The following B4GALNT3 variants were observed in gnomAD, a reference collection of about 807,000 sequenced individuals.
The protein encoded by B4GALNT3 is beta-1,4-N-acetylgalactosaminyltransferase 3.
In B4GALNT3, 86 loss-of-function variants were observed where a neutral mutation model predicts 120.2. That is an observed-to-expected ratio of 0.72 (90% CI 0.60 to 0.86). B4GALNT3 has a LOEUF of 0.86. Among genes scored for constraint, B4GALNT3 ranks in the 40% least tolerant of loss-of-function variants. The pLI is 0.00. For synonymous variants in B4GALNT3, 518 were observed against 510.4 expected, an observed-to-expected ratio of 1.01 and a Z score of -0.20; for missense variants, 1,167 against 1,298.9, an observed-to-expected ratio of 0.90 and a Z score of 1.56.
intron 7 of B4GALNT3, 115 bp from the exon 8 acceptor site, chr12:547,909 T>C: frequency 1.1e-6 from 1 of 874,460 alleles, no homozygotes; most frequent in Non-Finnish European, 1.9e-6. Context: ...CCTGGCATTC[T>C]AAGAGCAAGG....
At chr12:537,325 C>T (rs2120668721) in intron 3 of B4GALNT3, among the ~76,000 whole-genome samples, 1 of 152,278 alleles carries the variant, frequency 6.6e-6, no homozygotes, top group South Asian at 2.1e-4. Context: ...TGCTTTGTTT[C>T]CCAGGCTGGA....
intron 1 of B4GALNT3, among the ~76,000 whole-genome samples, chr12:476,133 CAGTG>C (rs1565588641): frequency 6.6e-6 from 1 of 152,206 alleles, no homozygotes. Context: ...AGCTGCGCCT[CAGTG>C]AGCATATTAT....
chr12:464,892 C>T (rs1026005591), intron 1 of B4GALNT3, among the ~76,000 whole-genome samples: 1 of 152,146 alleles, frequency 6.6e-6, no homozygotes, highest in Admixed American at 6.6e-5. Context: ...GAGGCACACC[C>T]GCGGTGTGAG....
At chr12:495,542 G>A (rs1210474342) in intron 1 of B4GALNT3, among the ~76,000 whole-genome samples, 1 of 152,198 alleles carries the variant, frequency 6.6e-6, no homozygotes, top group Non-Finnish European at 1.5e-5. Context: ...AGTACCTGCT[G>A]TGTTTCTAGG....
Position 554,731 on chromosome 12 carries a change from AG to A in B4GALNT3, c.2060+749del, listed in dbSNP as rs1241780534. Among the ~76,000 whole-genome samples the A allele has an allele frequency of 3.2e-5, 4 of 124,408 alleles. No individual in the cohort carries two copies. In the East Asian group the frequency reaches 8.4e-4, roughly 26 times the overall value. 81.6% of individuals were successfully genotyped at this position (124,408 alleles called of 152,430 possible). A position where few individuals can be genotyped will look rare whatever the true frequency, so the allele number is the denominator to read the frequency against. On this transcript the variant is annotated intron_variant, in intron 14 of 19. Coordinates refer to ENST00000266383, the MANE Select transcript of B4GALNT3 (RefSeq NM_173593.4). ...CGTGAACCCGGGAGGCGGAGCTTGC[AG>A]TGAGCTGAGATTGCGCCACTGCACT...
intron 1 of B4GALNT3, among the ~76,000 whole-genome samples, chr12:527,943 TGTGG>T (rs1368299451): frequency 3.3e-5 from 5 of 150,972 alleles, no homozygotes; most frequent in Middle Eastern, 3.4e-3. Context: ...GTGTGTGAAG[TGTGG>T]GTGGGTGGGT....
chr12:468,892 A>C (rs1222330107), intron 1 of B4GALNT3, among the ~76,000 whole-genome samples: 1 of 152,224 alleles, frequency 6.6e-6, no homozygotes, highest in East Asian at 1.9e-4. Flanking sequence ...CACACGACCC[A>C]GGAAGAGGGC....
At chr12:501,537 C>T (rs185373647) in intron 1 of B4GALNT3, among the ~76,000 whole-genome samples, 44 of 152,152 alleles carry the variant, frequency 2.9e-4, no homozygotes, top group African/African-American at 1.0e-3. Flanking sequence ...ACTATGTTTG[C>T]ACCACTGCAC....
At position 548,034 on chromosome 12, in the gene B4GALNT3, TC is replaced by T. The variant is rs1947030048; in HGVS notation, c.721del (p.His241ThrfsTer95). The T allele has an allele frequency of 6.2e-7, 1 of 1,613,664 alleles. No individual in the cohort carries two copies. The highest frequency in any genetic ancestry group is 1.3e-5 in the African/African-American group (1 of 74,812). On this transcript the variant is annotated frameshift_variant, in exon 8 of 20. Transcript: ENST00000266383. LOFTEE classifies it high-confidence loss of function. This position sits in a 1 kb window ranked among gnomAD's most constrained non-coding sequence, Gnocchi z 4.9. ...QISKPVSLSASHRYYFEVLHK... is the reference protein window; with the variant it reads ...QISKPVSLSAXHRYYFEVLHK... ...CCTCTCTCCCGCCAGCCTGTCAGCC[TC>T]CCACAGGTACTACTTCGAGGTGCTG... is the stretch of plus-strand genomic sequence containing the variant.
At chr12:492,383 A>G (rs1211006845) in intron 1 of B4GALNT3, among the ~76,000 whole-genome samples, 5 of 152,202 alleles carry the variant, frequency 3.3e-5, no homozygotes, top group Non-Finnish European at 2.9e-5. Context: ...TCCCCCCAAA[A>G]TGGAATATTT....
chr12:543,857 G>A (rs1231030632), intron 3 of B4GALNT3, among the ~76,000 whole-genome samples: 1 of 133,430 alleles, frequency 7.5e-6, no homozygotes, highest in Non-Finnish European at 1.6e-5. Flanking sequence ...TCCCGGAGCT[G>A]AGGAGCTGGG....
Position 460,566 on chromosome 12 carries a change from G to T in B4GALNT3, c.169+21G>T. On this transcript the variant is annotated intron_variant, in intron 1 of 19. Coordinates refer to ENST00000266383, the MANE Select transcript of B4GALNT3 (RefSeq NM_173593.4). This position sits in a 1 kb window ranked among gnomAD's most constrained non-coding sequence, Gnocchi z 8.0. ...CCGGAGTAAGTAGCACCCAGGGGAG[G>T]CGAAGGGCGCGGGGGTGGGCGGCGG... 1.4e-6 allele frequency: 2 copies of T among 1,402,834 alleles called. No homozygotes were observed. The highest frequency in any genetic ancestry group is 9.4e-7 in the Non-Finnish European group (1 of 1,065,444). The allele number at this position is 1,402,834 out of a possible 1,614,324, so 86.9% of individuals were successfully genotyped here. A position where few individuals can be genotyped will look rare whatever the true frequency, so the allele number is the denominator to read the frequency against.
chr12:498,421 T>C (rs931014873), intron 1 of B4GALNT3, among the ~76,000 whole-genome samples: 10 of 152,192 alleles, frequency 6.6e-5, no homozygotes, highest in Non-Finnish European at 1.2e-4. Flanking sequence ...TGCACTAGAA[T>C]GATGCCCTCT....
At chr12:516,490 A>C (rs1000930216) in intron 1 of B4GALNT3, among the ~76,000 whole-genome samples, 2 of 152,206 alleles carry the variant, frequency 1.3e-5, no homozygotes, top group African/African-American at 4.8e-5. Context: ...GCTGGAATGA[A>C]ATGGTGGTAA....
chr12:524,018 G>A (rs1946737963), intron 1 of B4GALNT3, among the ~76,000 whole-genome samples: 1 of 152,144 alleles, frequency 6.6e-6, no homozygotes, highest in Non-Finnish European at 1.5e-5. Flanking sequence ...CCAAGATCAT[G>A]CCATTGCACT....
At chr12:544,997 C>A (rs916421217) in intron 5 of B4GALNT3, 25 bp downstream of exon 5, 2 of 1,609,408 alleles carry the variant, frequency 1.2e-6, no homozygotes, top group African/African-American at 2.7e-5. Flanking sequence ...AAAACCCCAT[C>A]CTTCTTCCTG....
In B4GALNT3 at chr12:553,646, G is replaced by A; in HGVS notation, c.1723G>A (p.Gly575Ser). 4.3e-6 allele frequency: 7 copies of A among 1,614,062 alleles called. No homozygotes were observed. The highest frequency in any genetic ancestry group is 5.9e-6 in the Non-Finnish European group (7 of 1,179,928). The change falls in exon 14 of 20, where the codon GGT (glycine) becomes AGT (serine). Residue 575 changes from glycine to serine, a missense_variant. Physicochemically the swap from Gly to Ser is moderately conservative, Grantham distance 56. Transcript: ENST00000266383. ...GTCGTACATCGCAGAGCAGAGACGG[G>A]GTGACAGGATGCGGCCTCAGGCCCC... ...VESYIAEQRRGDRMRPQAPGR... is the reference protein window; with the variant it reads ...VESYIAEQRRSDRMRPQAPGR...
Position 558,600 on chromosome 12 carries a change from G to C in B4GALNT3, c.2700G>C (p.Lys900Asn), listed in dbSNP as rs1947188023. 1 of 1,614,160 alleles carries C rather than the reference G, an allele frequency of 6.2e-7. No homozygotes were observed. ...TTCGGAAGCACTGTGTGGAGGGAAA[G>C]ATGGCCTTTGCCCCCATGGTGATGA... ...DAIRKHCVEG[K>N]MAFAPMVMRL... Residue 900 changes from lysine (K) to asparagine (N), a missense_variant, in exon 18 of 20, where the codon AAG becomes AAC. Coordinates refer to ENST00000266383, the MANE Select transcript of B4GALNT3 (RefSeq NM_173593.4).
At chr12:514,691 A>G (rs1434063869) in intron 1 of B4GALNT3, among the ~76,000 whole-genome samples, 2 of 152,216 alleles carry the variant, frequency 1.3e-5, no homozygotes, top group East Asian at 3.9e-4. Flanking sequence ...AAAAGGGTCC[A>G]TGTATAAGAA....
Sources: allele counts gnomAD v4.1 joint callset (sites outside exome capture counted in the v4.1 genomes callset), GRCh38; gene constraint gnomAD v4.1.1; non-coding constraint Gnocchi (gnomAD v3.1); transcripts MANE v1.5; gene names NCBI Gene and HGNC (gene_info 2026-07-23, HGNC 2026-07-21).